OLA1: variants seen among roughly 807,000 people sequenced by gnomAD.
OLA1 encodes the protein obg-like ATPase 1.
A neutral mutation model predicts 48.4 loss-of-function variants in OLA1; 14 were observed. The observed-to-expected ratio is 0.29, with a 90% CI of 0.19 to 0.45. OLA1 has a LOEUF of 0.45. Among genes scored for constraint, OLA1 ranks in the 20% least tolerant of loss-of-function variants. OLA1 has a pLI of 1.00. For missense variants in OLA1, 325 were observed against 467.1 expected (o/e 0.70, Z 2.80); for synonymous variants, 127 against 150.4 (o/e 0.84, Z 1.14).
intron 7 of OLA1, among the ~76,000 whole-genome samples, chr2:174,097,901 T>C (rs770763884): frequency 2.4e-4 from 37 of 152,150 alleles, no homozygotes; most frequent in Non-Finnish European, 1.0e-4. Context: ...GTCCATTCCA[T>C]GATCCCATTT....
chr2:174,223,864 T>C (rs950807142), intron 3 of OLA1, among the ~76,000 whole-genome samples: 8 of 150,284 alleles, frequency 5.3e-5, no homozygotes, highest in Admixed American at 4.6e-4. Context: ...TTAGGCTATA[T>C]ACAAAATAAC....
intron 4 of OLA1, among the ~76,000 whole-genome samples, chr2:174,190,944 C>CAAAAAAAAAAAAAAAAAAA: frequency 3.0e-5 from 1 of 32,906 alleles, no homozygotes; most frequent in East Asian, 8.2e-4. Context: ...GACTTCGTCT[C>CAAAAAAAAAAAAAAAAAAA]AAAAAAAAAA....
At chr2:174,184,447 A>G (rs1410007371) in intron 4 of OLA1, among the ~76,000 whole-genome samples, 1 of 152,242 alleles carries the variant, frequency 6.6e-6, no homozygotes, top group Non-Finnish European at 1.5e-5. Flanking sequence ...ATATCTGAAC[A>G]GTGAAGTATG....
At chr2:174,246,967 CT>C (rs1001698884) in intron 1 of OLA1, 152 bp from the exon 2 acceptor site, 14 of 447,380 alleles carry the variant, frequency 3.1e-5, no homozygotes, top group East Asian at 1.4e-4. Flanking sequence ...GCTAAATCCA[CT>C]TTTTTTTCAG....
intron 2 of OLA1, among the ~76,000 whole-genome samples, chr2:174,231,955 G>A (rs1018873089): frequency 6.6e-6 from 1 of 152,108 alleles, no homozygotes; most frequent in African/African-American, 2.4e-5. Context: ...TGTAAAATGA[G>A]AACTTTTTAA....
At chr2:174,128,568 A>AAAAT (rs904144538) in intron 5 of OLA1, among the ~76,000 whole-genome samples, 6 of 151,868 alleles carry the variant, frequency 4.0e-5, no homozygotes, top group East Asian at 3.9e-4. Context: ...CATCTCTACT[A>AAAAT]AAATAAATAA....
At chr2:174,156,224 G>A (rs756452930) in intron 4 of OLA1, among the ~76,000 whole-genome samples, 13 of 152,096 alleles carry the variant, frequency 8.5e-5, no homozygotes, top group Non-Finnish European at 1.0e-4. Context: ...ATTATTTGTC[G>A]TGAAGGGCTG....
At chr2:174,203,230 A>G (rs1364654603) in intron 4 of OLA1, among the ~76,000 whole-genome samples, 2 of 152,220 alleles carry the variant, frequency 1.3e-5, no homozygotes, top group African/African-American at 2.4e-5. Flanking sequence ...GCAAACTAAA[A>G]TTCTCTCACC....
intron 4 of OLA1, among the ~76,000 whole-genome samples, chr2:174,221,051 A>G (rs892109611): frequency 3.9e-5 from 6 of 152,168 alleles, no homozygotes; most frequent in African/African-American, 1.4e-4. Context: ...CTGATTATAA[A>G]TGTATCATTC....
chr2:174,146,120 T>C (rs1043553053), intron 4 of OLA1, among the ~76,000 whole-genome samples: 2 of 150,236 alleles, frequency 1.3e-5, no homozygotes, highest in African/African-American at 4.9e-5. Context: ...GAAAGAAATA[T>C]GGTCAGTATA....
chr2:174,221,274 C>T (rs201566872), intron 4 of OLA1, among the ~76,000 whole-genome samples: 12 of 150,126 alleles, frequency 8.0e-5, no homozygotes, highest in African/African-American at 1.2e-4. Context: ...TTTCCCCCCC[C>T]ACAAGGGTTA....
At chr2:174,189,297 TAACTC>T (rs1558996410) in intron 4 of OLA1, among the ~76,000 whole-genome samples, 1 of 152,112 alleles carries the variant, frequency 6.6e-6, no homozygotes, top group African/African-American at 2.4e-5. Flanking sequence ...ACCTTTCTGA[TAACTC>T]AGTTCAACTA....
intron 4 of OLA1, among the ~76,000 whole-genome samples, chr2:174,212,969 T>C (rs752736437): frequency 6.6e-6 from 1 of 152,194 alleles, no homozygotes; most frequent in Non-Finnish European, 1.5e-5. Context: ...CGAGAAAAAG[T>C]ATAGTGACTG....
At chr2:174,079,640 C>T (rs1042524879) in intron 9 of OLA1, among the ~76,000 whole-genome samples, 13 of 151,828 alleles carry the variant, frequency 8.6e-5, no homozygotes, top group Non-Finnish European at 1.6e-4. Context: ...CTGCCTCTAA[C>T]CATCATGAAG....
At chr2:174,225,803 C>T (rs1395628421) in intron 3 of OLA1, among the ~76,000 whole-genome samples, 1 of 152,082 alleles carries the variant, frequency 6.6e-6, no homozygotes, top group Non-Finnish European at 1.5e-5. Context: ...TAAGTGTGAC[C>T]ATGAACAAAT....
intron 4 of OLA1, among the ~76,000 whole-genome samples, chr2:174,158,996 A>C (rs1028093478): frequency 5.9e-5 from 9 of 152,184 alleles, no homozygotes; most frequent in African/African-American, 2.2e-4. Context: ...TTATGTATTC[A>C]TCTGAACAGA....
intron 7 of OLA1, among the ~76,000 whole-genome samples, chr2:174,115,051 A>G (rs988936635): frequency 6.6e-6 from 1 of 151,990 alleles, no homozygotes; most frequent in Admixed American, 6.6e-5. Context: ...GCACCACTGC[A>G]CTCCAGCCTG....
At chr2:174,163,253 G>A (rs1687055672) in intron 4 of OLA1, among the ~76,000 whole-genome samples, 1 of 152,056 alleles carries the variant, frequency 6.6e-6, no homozygotes, top group South Asian at 2.1e-4. Flanking sequence ...GAGAGCCCCA[G>A]CAACAATTTA....
intron 4 of OLA1, among the ~76,000 whole-genome samples, chr2:174,188,127 T>C (rs1047243259): frequency 6.6e-6 from 1 of 152,150 alleles, no homozygotes; most frequent in African/African-American, 2.4e-5. Context: ...GAAGTACATA[T>C]GGACCACATG....
Sources: gnomAD v4.1 joint callset for allele counts (sites outside exome capture counted in the v4.1 genomes callset) on GRCh38, gnomAD v4.1.1 for gene constraint, MANE v1.5 for transcripts, NCBI Gene and HGNC (gene_info 2026-07-23, HGNC 2026-07-21) for gene names.